The following EIF2A variants were observed in gnomAD, a reference collection of about 807,000 sequenced individuals.
EIF2A encodes the protein 65 kDa eukaryotic translation initiation factor 2A.
Under a neutral mutation model 75.2 loss-of-function variants are expected in EIF2A, and 62 were observed. That is an observed-to-expected ratio of 0.82 (90% CI 0.67 to 1.02). EIF2A has a LOEUF of 1.02. Among genes scored for constraint, EIF2A ranks in the 50% least tolerant of loss-of-function variants. The probability of loss-of-function intolerance (pLI) is 0.00; values close to 1 mark genes in which losing one functional copy is unlikely to be tolerated. For synonymous variants in EIF2A, 207 were observed against 239.0 expected (o/e 0.87, Z 1.23); for missense variants, 611 against 677.7 (o/e 0.90, Z 1.09).
In EIF2A at chr3:150,562,611, T is replaced by C; in HGVS notation, c.243T>C (p.Leu81=). 1 of 1,613,550 alleles carries C rather than the reference T, an allele frequency of 6.2e-7. No homozygotes were observed. ...HSFDLLKAVC[L]EFSPKNTVLA... Reference sequence around the variant, plus strand: ...TCGACCTCCTGAAGGCAGTTTGCCTTGAATTCTCACCCAAAAATACTGTCC... The same window carrying C: ...TCGACCTCCTGAAGGCAGTTTGCCTCGAATTCTCACCCAAAAATACTGTCC... The change falls in exon 4 of 14, where the codon CTT becomes CTC. Residue 81 remains leucine, a synonymous_variant. Coordinates refer to ENST00000460851, the MANE Select transcript of EIF2A (RefSeq NM_032025.5).
chr3:150,578,059 C>T (rs1218594627), intron 11 of EIF2A, among the ~76,000 whole-genome samples: 1 of 152,062 alleles, frequency 6.6e-6, no homozygotes, highest in Non-Finnish European at 1.5e-5. Flanking sequence ...TCTACTGGCC[C>T]TGGATATTAC....
At chr3:150,557,194 A>C (rs1046567949) in intron 2 of EIF2A, among the ~76,000 whole-genome samples, 3 of 152,172 alleles carry the variant, frequency 2.0e-5, no homozygotes, top group African/African-American at 7.2e-5. Flanking sequence ...ATACTTCCGT[A>C]TGTAATGTAA....
intron 2 of EIF2A, chr3:150,552,803 AG>A (rs1461189148): frequency 6.1e-6 from 1 of 163,930 alleles, no homozygotes; most frequent in Non-Finnish European, 1.3e-5. Context: ...TTAAAAAGGG[AG>A]GACATATATA....
At chr3:150,560,013 G>C (rs1263252655) in intron 3 of EIF2A, among the ~76,000 whole-genome samples, 1 of 151,918 alleles carries the variant, frequency 6.6e-6, no homozygotes, top group Admixed American at 6.6e-5. Flanking sequence ...CTACCTAATG[G>C]GCTATACTAT....
chr3:150,554,063 T>A (rs566133129), intron 2 of EIF2A, among the ~76,000 whole-genome samples: 1 of 152,306 alleles, frequency 6.6e-6, no homozygotes, highest in South Asian at 2.1e-4. Context: ...GTAGCAACTT[T>A]TGTGCCAGAA....
intron 10 of EIF2A, among the ~76,000 whole-genome samples, chr3:150,574,944 T>C (rs1039357047): frequency 2.0e-5 from 3 of 152,232 alleles, no homozygotes; most frequent in African/African-American, 4.8e-5. Flanking sequence ...CCATCACTTA[T>C]ACTGTATGTT....
chr3:150,553,645 A>G (rs753598609), intron 2 of EIF2A, among the ~76,000 whole-genome samples: 2 of 152,160 alleles, frequency 1.3e-5, no homozygotes, highest in African/African-American at 4.8e-5. Context: ...TCCTGACCTC[A>G]GGTGATCCAC....
intron 1 of EIF2A, 79 bp from the exon 2 acceptor site, chr3:150,552,277 C>CT (rs35428754): frequency 3.2e-6 from 4 of 1,249,516 alleles, no homozygotes; most frequent in South Asian, 1.4e-5. Flanking sequence ...ACTAAAGCTG[C>CT]TTTTTTAAAA....
Position 150,568,221 on chromosome 3 carries a change from G to A in EIF2A, c.740G>A (p.Gly247Glu). The A allele has an allele frequency of 6.2e-7, 1 of 1,613,698 alleles. No homozygotes were observed. Among genetic ancestry groups the A allele is most frequent in the Middle Eastern group, 1.7e-4 (1 of 6,058 alleles). ...VIASTDVDKT[G>E]ASYYGEQTLH... is the part of the protein sequence containing the mutation. ...GCTAGCACAGATGTTGACAAGACAGGAGCTTCCTACTATGGAGAACAAACT... is the reference window on the plus strand; with the variant it reads ...GCTAGCACAGATGTTGACAAGACAGAAGCTTCCTACTATGGAGAACAAACT... Residue 247 changes from glycine (G) to glutamate (E), a missense_variant, in exon 9 of 14, where the codon GGA becomes GAA. Coordinates refer to ENST00000460851, the MANE Select transcript of EIF2A (RefSeq NM_032025.5).
intron 10 of EIF2A, among the ~76,000 whole-genome samples, chr3:150,574,722 C>T (rs1383524756): frequency 6.6e-6 from 1 of 152,212 alleles, no homozygotes; most frequent in Non-Finnish European, 1.5e-5. Flanking sequence ...TTATTTATTA[C>T]TCTGCATCTT....
chr3:150,551,760 A>G (rs897709755), intron 1 of EIF2A, among the ~76,000 whole-genome samples: 1 of 152,112 alleles, frequency 6.6e-6, no homozygotes. Context: ...AGAAATAAGA[A>G]GTATAGTCTA....
At chr3:150,582,112 T>G (rs899167441) in intron 12 of EIF2A, among the ~76,000 whole-genome samples, 2 of 152,006 alleles carry the variant, frequency 1.3e-5, no homozygotes, top group Non-Finnish European at 2.9e-5. Flanking sequence ...GCGATTCTCC[T>G]GCCTCAGCCT....
chr3:150,555,178 C>G (rs887142736), intron 2 of EIF2A, among the ~76,000 whole-genome samples: 1 of 152,200 alleles, frequency 6.6e-6, no homozygotes, highest in African/African-American at 2.4e-5. Flanking sequence ...ATCCAACCGC[C>G]TTGGCCTCCC....
intron 12 of EIF2A, 170 bp from the exon 13 acceptor site, chr3:150,583,030 A>G (rs770900716): frequency 6.7e-6 from 4 of 598,134 alleles, no homozygotes; most frequent in Admixed American, 3.6e-5. Context: ...AACATTTACA[A>G]TTTTGCATTT....
intron 11 of EIF2A, among the ~76,000 whole-genome samples, chr3:150,577,701 G>A (rs1176534185): frequency 6.6e-6 from 1 of 151,826 alleles, no homozygotes; most frequent in African/African-American, 2.4e-5. Context: ...GATTACAGGC[G>A]TGAGCCACTG....
chr3:150,553,317 C>T (rs535003160), intron 2 of EIF2A, among the ~76,000 whole-genome samples: 213 of 135,110 alleles, frequency 1.6e-3, no homozygotes, highest in Non-Finnish European at 2.5e-3. Context: ...GATGAGACTC[C>T]GTCTCAAAAA....
At chr3:150,564,413 C>CAGTAAGTAATAAAA in intron 6 of EIF2A, 32 bp downstream of exon 6, 1 of 1,524,306 alleles carries the variant, frequency 6.6e-7, no homozygotes. Context: ...AATTTTATTA[C>CAGTAAGTAATAAAA]TTACTGTAAT....
chr3:150,572,500 A>C lies in EIF2A; in HGVS notation c.1354A>C (p.Arg452=). 6.2e-7 allele frequency: 1 copy of C among 1,608,584 alleles called. No homozygotes were observed. The highest frequency in any genetic ancestry group is 8.5e-7 in the Non-Finnish European group (1 of 1,177,978). Residue 452 remains arginine (R), a synonymous_variant, in exon 10 of 14, where the codon AGA becomes CGA. Coordinates refer to ENST00000460851, the MANE Select transcript of EIF2A (RefSeq NM_032025.5). ...AACAGCTTATAGACCCCCAGCTTTAAGAAATAAACCAATCACCAATTCCAA... is the reference window on the plus strand; with the variant it reads ...AACAGCTTATAGACCCCCAGCTTTACGAAATAAACCAATCACCAATTCCAA... ...VATAYRPPAL[R]NKPITNSKLH... is the part of the protein sequence containing the mutation.
In EIF2A at chr3:150,547,278, CT is replaced by C. The variant is rs1723091541; in HGVS notation, c.28+450del. 1.1e-5 allele frequency: 2 copies of C among 189,994 alleles called. 1 individual carries two copies. The highest frequency in any genetic ancestry group is 1.7e-4 in the South Asian group (2 of 12,100). The allele number at this position is 189,994 out of a possible 1,614,324, so 11.8% of individuals were successfully genotyped here. On this transcript the variant is annotated intron_variant, in intron 1 of 13. Coordinates refer to ENST00000460851, the MANE Select transcript of EIF2A (RefSeq NM_032025.5). Reference sequence around the variant, plus strand: ...TAATTCCAGATTCTGGCCTTCCTGCCTTAATGAGGTTTGTAGGACTGAATAG... The same window carrying C: ...TAATTCCAGATTCTGGCCTTCCTGCCTAATGAGGTTTGTAGGACTGAATAG...
Sources: gnomAD v4.1 joint callset for allele counts (sites outside exome capture counted in the v4.1 genomes callset) on GRCh38, gnomAD v4.1.1 for gene constraint, MANE v1.5 for transcripts, NCBI Gene and HGNC (gene_info 2026-07-23, HGNC 2026-07-21) for gene names.